The following USH2A variants were observed in gnomAD, a reference collection of about 807,000 sequenced individuals.
USH2A encodes the protein usherin, also known as Usher syndrome 2A (autosomal recessive, mild).
In USH2A, 443 loss-of-function variants were observed where a neutral mutation model predicts 538.9. That is an observed-to-expected ratio of 0.82 (90% CI 0.76 to 0.89). The LOEUF (loss-of-function observed/expected upper bound fraction) is 0.89. Ranked by LOEUF, USH2A falls within the 40% of genes least tolerant of loss-of-function variation. The probability of loss-of-function intolerance (pLI) is 0.00; values close to 1 mark genes in which losing one functional copy is unlikely to be tolerated. For synonymous variants in USH2A, 2,413 were observed against 2,273.5 expected, an observed-to-expected ratio of 1.06 and a Z score of -1.75; for missense variants, 6,633 against 6,324.8, an observed-to-expected ratio of 1.05 and a Z score of -1.65.
At chr1:216,169,802 C>T (rs1460142812) in intron 21 of USH2A, among the ~76,000 whole-genome samples, 2 of 152,078 alleles carry the variant, frequency 1.3e-5, no homozygotes, top group East Asian at 3.8e-4. Context: ...AGTATAATTA[C>T]TGCCTGTTCA....
At chr1:215,836,581 G>T (rs1330164146) in intron 47 of USH2A, among the ~76,000 whole-genome samples, 1 of 79,858 alleles carries the variant, frequency 1.3e-5, no homozygotes, top group African/African-American at 4.4e-5. Flanking sequence ...TTTTGAGACA[G>T]AGTATCACTC....
intron 30 of USH2A, among the ~76,000 whole-genome samples, chr1:216,059,105 TATATATAGAGAGAATAC>T (rs1225809313): frequency 1.3e-5 from 2 of 152,180 alleles, no homozygotes; most frequent in Non-Finnish European, 2.9e-5. Context: ...TATGGTTACA[TATATATAGAGAGAATAC>T]ATATATAGAG....
chr1:216,282,131 T>C (rs891732330), intron 11 of USH2A, among the ~76,000 whole-genome samples: 8 of 152,136 alleles, frequency 5.3e-5, no homozygotes, highest in Non-Finnish European at 7.4e-5. Flanking sequence ...TGTGCAAATA[T>C]TTTCTTCATT....
chr1:216,224,312 C>T (rs766049003), intron 14 of USH2A, among the ~76,000 whole-genome samples: 20 of 152,100 alleles, frequency 1.3e-4, no homozygotes, highest in Non-Finnish European at 2.8e-4. Context: ...CCACTACCAA[C>T]TGAGATGAAT....
chr1:215,840,324 A>G (rs910087941), intron 46 of USH2A, among the ~76,000 whole-genome samples: 11 of 152,224 alleles, frequency 7.2e-5, no homozygotes, highest in African/African-American at 2.2e-4. Context: ...AAACTAAATC[A>G]CCTTTGACAT....
chr1:215,690,832 T>C (rs553865500), intron 61 of USH2A, among the ~76,000 whole-genome samples: 1 of 152,306 alleles, frequency 6.6e-6, no homozygotes, highest in Admixed American at 6.5e-5. Context: ...CATCTACTAC[T>C]ACCACTCTGA....
At chr1:215,797,332 C>T (rs548726422) in intron 50 of USH2A, among the ~76,000 whole-genome samples, 16 of 152,184 alleles carry the variant, frequency 1.1e-4, no homozygotes, top group Non-Finnish European at 2.4e-4. Context: ...CCTCAAGTTA[C>T]CCAGAACACC....
chr1:216,242,527 T>G (rs2035959454), intron 13 of USH2A, among the ~76,000 whole-genome samples: 1 of 151,890 alleles, frequency 6.6e-6, no homozygotes, highest in South Asian at 2.1e-4. Context: ...TGATCTTAAA[T>G]GAGAAAAAAT....
intron 9 of USH2A, among the ~76,000 whole-genome samples, chr1:216,301,484 A>G (rs565828889): frequency 6.6e-6 from 1 of 152,298 alleles, no homozygotes; most frequent in Non-Finnish European, 1.5e-5. Context: ...CCATGTTTAT[A>G]CTGGCTTCAG....
chr1:216,249,540 T>C (rs945691905), intron 12 of USH2A, among the ~76,000 whole-genome samples: 7 of 152,168 alleles, frequency 4.6e-5, no homozygotes, highest in Non-Finnish European at 2.9e-5. Context: ...TTCAGCATCA[T>C]GGATAGCACA....
At chr1:215,647,865 C>A (rs1025768697) in intron 66 of USH2A, 135 bp from the exon 67 acceptor site, 5 of 990,674 alleles carry the variant, frequency 5.0e-6, no homozygotes, top group Non-Finnish European at 6.1e-6. Flanking sequence ...TTTCCATTTG[C>A]AGGAAACTGC....
intron 32 of USH2A, among the ~76,000 whole-genome samples, chr1:216,026,101 T>G (rs1668958712): frequency 6.6e-6 from 1 of 152,146 alleles, no homozygotes; most frequent in South Asian, 2.1e-4. Flanking sequence ...ATTTTTCTCC[T>G]GTTCTAGGTT....
At chr1:216,233,122 C>T (rs538835866) in intron 13 of USH2A, among the ~76,000 whole-genome samples, 35 of 152,216 alleles carry the variant, frequency 2.3e-4, no homozygotes, top group African/African-American at 7.7e-4. Context: ...CTTCCTATTC[C>T]CTTTAGGAAA....
intron 21 of USH2A, among the ~76,000 whole-genome samples, chr1:216,100,015 A>C (rs2032540478): frequency 6.6e-6 from 1 of 152,172 alleles, no homozygotes; most frequent in Admixed American, 6.5e-5. Context: ...TTCAGAAAAG[A>C]AAAAAACAAG....
At chr1:215,972,629 T>C (rs1166863701) in intron 35 of USH2A, among the ~76,000 whole-genome samples, 1 of 152,198 alleles carries the variant, frequency 6.6e-6, no homozygotes, top group African/African-American at 2.4e-5. Context: ...CATTTTTTGT[T>C]AAATGAGTTA....
intron 55 of USH2A, among the ~76,000 whole-genome samples, chr1:215,773,484 GTCTCTCTGTCTCTCTCTCTC>G (rs1315045981): frequency 3.6e-5 from 4 of 112,224 alleles, no homozygotes; most frequent in Non-Finnish European, 7.0e-5. Context: ...ATGTCTCTCT[GTCTCTCTGTCTCTCTCTCTC>G]TCTCTCTGTC....
At chr1:215,634,231 G>A (rs147013793) in intron 70 of USH2A, among the ~76,000 whole-genome samples, 16 of 152,168 alleles carry the variant, frequency 1.1e-4, no homozygotes, top group African/African-American at 1.4e-4. Context: ...AGAATTTCTC[G>A]GATGAAGTCC....
At chr1:216,111,909 C>T (rs531329881) in intron 21 of USH2A, among the ~76,000 whole-genome samples, 15 of 151,480 alleles carry the variant, frequency 9.9e-5, no homozygotes, top group African/African-American at 2.9e-4. Context: ...GATTTCCATG[C>T]CTAGTTAGTG....
At chr1:216,026,177 T>C (rs1442405293) in intron 32 of USH2A, among the ~76,000 whole-genome samples, 2 of 152,126 alleles carry the variant, frequency 1.3e-5, no homozygotes, top group Admixed American at 1.3e-4. Flanking sequence ...CAGGATGCCC[T>C]TGTTTAGGTC....
Sources: gnomAD v4.1 joint callset for allele counts (sites outside exome capture counted in the v4.1 genomes callset) on GRCh38, gnomAD v4.1.1 for gene constraint, MANE v1.5 for transcripts, NCBI Gene and HGNC (gene_info 2026-07-23, HGNC 2026-07-21) for gene names.